The following CDH12 variants were observed in gnomAD, a reference collection of about 807,000 sequenced individuals.
CDH12 encodes the protein cadherin 12.
A neutral mutation model predicts 74.1 loss-of-function variants in CDH12; 41 were observed. The observed-to-expected ratio is 0.55, with a 90% CI of 0.43 to 0.72. CDH12 has a LOEUF of 0.72. Among genes scored for constraint, CDH12 ranks in the 30% least tolerant of loss-of-function variants. The pLI is 0.00. For synonymous variants in CDH12, 399 were observed against 355.0 expected, an observed-to-expected ratio of 1.12 and a Z score of -1.39; for missense variants, 945 against 977.2, an observed-to-expected ratio of 0.97 and a Z score of 0.44.
chr5:22,797,926 C>G (rs143377099), intron 1 of CDH12, among the ~76,000 whole-genome samples: 1 of 152,088 alleles, frequency 6.6e-6, no homozygotes, highest in Non-Finnish European at 1.5e-5. Context: ...TAACCTAATG[C>G]GTTTTGGTAC....
intron 3 of CDH12, among the ~76,000 whole-genome samples, chr5:22,327,456 G>C (rs1457438488): frequency 6.6e-6 from 1 of 151,792 alleles, no homozygotes. Context: ...GTGTGTGTGT[G>C]TGTGTGTGTG....
chr5:22,696,908 G>A (rs1742396986), intron 1 of CDH12, among the ~76,000 whole-genome samples: 1 of 151,644 alleles, frequency 6.6e-6, no homozygotes, highest in South Asian at 2.1e-4. Flanking sequence ...CTAGAGGCCA[G>A]AACCTTGGTC....
intron 4 of CDH12, among the ~76,000 whole-genome samples, chr5:22,107,270 T>G (rs1347236331): frequency 1.3e-5 from 2 of 151,434 alleles, no homozygotes; most frequent in African/African-American, 4.8e-5. Flanking sequence ...GAGCTGGGAT[T>G]ATAGGCGCCC....
At chr5:22,351,607 G>A (rs1031579997) in intron 3 of CDH12, among the ~76,000 whole-genome samples, 2 of 152,092 alleles carry the variant, frequency 1.3e-5, no homozygotes, top group African/African-American at 2.4e-5. Flanking sequence ...AGCTCTTCAA[G>A]TTTGCATATT....
At position 21,760,622 on chromosome 5, in the gene CDH12, T is replaced by C. The variant is rs2303749; in HGVS notation, c.1569A>G (p.Gln523=). The change falls in exon 13 of 15, where the codon CAA becomes CAG. Residue 523 remains glutamine (Q), a synonymous_variant. Transcript: ENST00000382254. ...ADRDLSPAGQ[Q]FSFRLSPEAA... ...CCTCAGGTGATAATCTAAAGGAGAA[T>C]TGTTGCCCAGCAGGTGAAAGATCTC... 112,417 of 1,610,010 alleles carry C rather than the reference T, an allele frequency of 0.07. 4,619 individuals carry two copies. The highest frequency in any genetic ancestry group is 0.14 in the Admixed American group (8,137 of 59,838).
At chr5:22,281,679 C>T (rs943006367) in intron 3 of CDH12, among the ~76,000 whole-genome samples, 7 of 152,048 alleles carry the variant, frequency 4.6e-5, no homozygotes, top group Non-Finnish European at 8.8e-5. Context: ...ATGTGAAGGA[C>T]CTCTTCAAAG....
intron 1 of CDH12, among the ~76,000 whole-genome samples, chr5:22,525,833 A>C (rs552872705): frequency 1.3e-5 from 2 of 152,340 alleles, no homozygotes; most frequent in South Asian, 2.1e-4. Flanking sequence ...GGTTATGAGC[A>C]TAACTACCTA....
intron 4 of CDH12, among the ~76,000 whole-genome samples, chr5:22,090,756 G>T (rs1201588392): frequency 6.6e-6 from 1 of 151,872 alleles, no homozygotes; most frequent in Non-Finnish European, 1.5e-5. Context: ...TCTTATTACT[G>T]CAATGTTGGT....
At chr5:22,127,815 C>T (rs1745970911) in intron 4 of CDH12, among the ~76,000 whole-genome samples, 1 of 152,110 alleles carries the variant, frequency 6.6e-6, no homozygotes, top group Non-Finnish European at 1.5e-5. Flanking sequence ...GTACTGGACT[C>T]TCTGGAAGCA....
chr5:21,875,896 ATTT>A, intron 6 of CDH12, among the ~76,000 whole-genome samples: 1 of 136,798 alleles, frequency 7.3e-6, no homozygotes, highest in African/African-American at 2.7e-5. Flanking sequence ...CTTTGCGGGC[ATTT>A]TTTTTTTTTT....
chr5:22,726,743 C>T (rs181273883), intron 1 of CDH12, among the ~76,000 whole-genome samples: 25 of 151,878 alleles, frequency 1.6e-4, no homozygotes, highest in Admixed American at 2.6e-4. Context: ...TACAATTGAA[C>T]CTGTTCTTGA....
chr5:22,853,232 G>A lies in CDH12; in HGVS notation c.-697C>T, dbSNP rs2126546110. 6.6e-6 allele frequency: 1 copy of A among 152,318 alleles called. No homozygotes were observed. The highest frequency in any genetic ancestry group is 2.1e-4 in the South Asian group (1 of 4,814). 9.4% of individuals were successfully genotyped at this position (152,318 alleles called of 1,614,324 possible). On this transcript the variant is annotated 5_prime_UTR_variant, in exon 1 of 15. Transcript: ENST00000382254. ...GTTTTCATTCAAAGAAGGTTCTCCA[G>A]GCCGGGCAGCCAGTAGACACCACTT... is the stretch of plus-strand genomic sequence containing the variant.
At chr5:22,134,869 G>A (rs531076668) in intron 4 of CDH12, among the ~76,000 whole-genome samples, 148 of 151,128 alleles carry the variant, frequency 9.8e-4, no homozygotes, top group African/African-American at 3.5e-3. Flanking sequence ...CAGCAAGTTG[G>A]CTGTCAGAGT....
rs184895972 is a variant in CDH12 at position 22,738,081 on chromosome 5, G to C, written c.-523+114977C>G. 2.2e-3 allele frequency among the ~76,000 whole-genome samples: 337 copies of C among 152,080 alleles called. 11 individuals carry two copies. The highest frequency in any genetic ancestry group is 0.022 in the Admixed American group (331 of 15,212). ...GTGAGGCCAAGTGAGAGCCCAGTCA[G>C]AGTTGATAATATAAAACCTTGAGTA... On this transcript the variant is annotated intron_variant, in intron 1 of 14. Transcript: ENST00000382254.
chr5:22,263,567 T>G lies in CDH12; in HGVS notation c.-332-50924A>C, dbSNP rs1317421957. Reference sequence around the variant, plus strand: ...AAAAACATCCTGGCCATTTTGTAACTCAATTCCATTTTTGGGGGGTGTATG... The same window carrying G: ...AAAAACATCCTGGCCATTTTGTAACGCAATTCCATTTTTGGGGGGTGTATG... On this transcript the variant is annotated intron_variant, in intron 3 of 14. Coordinates refer to ENST00000382254, the MANE Select transcript of CDH12 (RefSeq NM_004061.5). 5.9e-5 allele frequency among the ~76,000 whole-genome samples: 9 copies of G among 152,092 alleles called. No homozygotes were observed. The East Asian group carries it at 1.7e-3, about 29-fold the overall frequency.
chr5:22,524,611 C>T (rs1172230119), intron 1 of CDH12, among the ~76,000 whole-genome samples: 4 of 152,052 alleles, frequency 2.6e-5, no homozygotes, highest in Admixed American at 6.6e-5. Context: ...TGGGGGTGTT[C>T]GGTCACATAG....
intron 2 of CDH12, among the ~76,000 whole-genome samples, chr5:22,439,453 C>G (rs376943873): frequency 8.0e-4 from 121 of 152,096 alleles, no homozygotes; most frequent in African/African-American, 2.8e-3. Flanking sequence ...AATTCAGAAG[C>G]TTTGCTAGAA....
At chr5:21,920,980 AT>A (rs1185670845) in intron 6 of CDH12, among the ~76,000 whole-genome samples, 3 of 152,114 alleles carry the variant, frequency 2.0e-5, no homozygotes, top group Non-Finnish European at 4.4e-5. Context: ...GAAACCACAG[AT>A]TTTTTCTTAA....
chr5:22,392,858 C>T (rs1742301619), intron 3 of CDH12, among the ~76,000 whole-genome samples: 1 of 152,086 alleles, frequency 6.6e-6, no homozygotes. Flanking sequence ...ACCTTTCTCA[C>T]ACTGTTCTAC....
Sources: gnomAD v4.1 joint callset for allele counts (sites outside exome capture counted in the v4.1 genomes callset) on GRCh38, gnomAD v4.1.1 for gene constraint, MANE v1.5 for transcripts, NCBI Gene and HGNC (gene_info 2026-07-23, HGNC 2026-07-21) for gene names.